MYOF: variants seen among roughly 807,000 people sequenced by gnomAD.
MYOF encodes the protein fer-1-like 3, myoferlin.
In MYOF, 244 loss-of-function variants were observed where a neutral mutation model predicts 284.2. The observed-to-expected ratio is 0.86, with a 90% CI of 0.77 to 0.95. The LOEUF is 0.95. MYOF is among the 40% of genes least tolerant of loss of function. MYOF has a pLI of 0.00. For synonymous variants in MYOF, 904 were observed against 919.7 expected (o/e 0.98, Z 0.31); for missense variants, 2,496 against 2,560.6 (o/e 0.97, Z 0.54).
intron 11 of MYOF, 133 bp from the exon 12 acceptor site, chr10:93,401,677 C>A: frequency 1.7e-6 from 2 of 1,179,698 alleles, no homozygotes; most frequent in Non-Finnish European, 2.4e-6. Flanking sequence ...CTTAAGAGTT[C>A]AGCCTGCCAT....
chr10:93,348,215 A>G (rs532280436), intron 36 of MYOF, among the ~76,000 whole-genome samples: 2 of 152,224 alleles, frequency 1.3e-5, no homozygotes, highest in Non-Finnish European at 2.9e-5. Flanking sequence ...TAACTAGCCC[A>G]GGGCTTTGGT....
chr10:93,359,788 A>C (rs1392020723), intron 29 of MYOF, 45 bp downstream of exon 29: 2 of 1,608,894 alleles, frequency 1.2e-6, no homozygotes, highest in Admixed American at 3.4e-5. Context: ...TGTAGTCAGG[A>C]GGGCAGAGCT....
At chr10:93,336,149 C>T (rs935080125) in intron 40 of MYOF, 103 bp from the exon 41 acceptor site, 58 of 1,309,942 alleles carry the variant, frequency 4.4e-5, no homozygotes, top group Non-Finnish European at 5.3e-5. Context: ...GTGGATGGGG[C>T]GACCGGAACT....
At chr10:93,446,782 G>A (rs909388089) in intron 3 of MYOF, among the ~76,000 whole-genome samples, 1 of 151,202 alleles carries the variant, frequency 6.6e-6, no homozygotes. Context: ...GCGCAGTGGT[G>A]TGATCTCAGT....
At chr10:93,311,535 G>A (rs1842390735) in intron 51 of MYOF, among the ~76,000 whole-genome samples, 1 of 150,326 alleles carries the variant, frequency 6.7e-6, no homozygotes, top group African/African-American at 2.5e-5. Flanking sequence ...GTTGCAGTAA[G>A]CAGAGATCGC....
intron 18 of MYOF, among the ~76,000 whole-genome samples, chr10:93,388,232 G>T (rs1187225111): frequency 2.6e-5 from 4 of 151,878 alleles, no homozygotes; most frequent in African/African-American, 4.8e-5. Context: ...TGGGGGGTGG[G>T]GGGTGGATGG....
chr10:93,456,211 G>A (rs1287111319), intron 2 of MYOF, among the ~76,000 whole-genome samples: 1 of 152,198 alleles, frequency 6.6e-6, no homozygotes, highest in Non-Finnish European at 1.5e-5. Flanking sequence ...GCAAGAAAGT[G>A]TAGGAGAGGA....
intron 17 of MYOF, among the ~76,000 whole-genome samples, chr10:93,390,443 G>A (rs1846620542): frequency 6.6e-6 from 1 of 152,194 alleles, no homozygotes; most frequent in South Asian, 2.1e-4. Context: ...CTAAGGTTGA[G>A]ACTTGGTAAC....
rs1409281745 is a variant in MYOF at position 93,360,044 on chromosome 10, G to A, written c.2975-66C>T. On this transcript the variant is annotated intron_variant, in intron 28 of 53. Coordinates refer to ENST00000359263, the MANE Select transcript of MYOF (RefSeq NM_013451.4). Reference sequence around the variant, plus strand: ...TTTGCCAGATCACCAAATAAACCTCGAGGAAACATTTGTTCACTCTCCCTG... The same window carrying A: ...TTTGCCAGATCACCAAATAAACCTCAAGGAAACATTTGTTCACTCTCCCTG... The A allele has an allele frequency of 2.3e-5, 37 of 1,586,672 alleles. No homozygotes were observed. In the South Asian group the frequency reaches 2.5e-4, roughly 11 times the overall value.
At chr10:93,316,216 C>T (rs1309620574) in intron 50 of MYOF, among the ~76,000 whole-genome samples, 1 of 151,938 alleles carries the variant, frequency 6.6e-6, no homozygotes, top group East Asian at 1.9e-4. Context: ...ATCTGGAGAG[C>T]ACAGTGCCAT....
rs184696079 is a variant in MYOF at position 93,372,331 on chromosome 10, A to C, written c.2457+599T>G. ...TAATACGGGGCCCTGGAACAGGCTT[A>C]TGGGTTGTATGAAGCTCCTAAATTC... On this transcript the variant is annotated intron_variant, in intron 24 of 53. Coordinates refer to ENST00000359263, the MANE Select transcript of MYOF (RefSeq NM_013451.4). 2.0e-5 allele frequency among the ~76,000 whole-genome samples: 3 copies of C among 152,264 alleles called. No homozygotes were observed. The East Asian group carries it at 5.8e-4, about 29-fold the overall frequency.
At chr10:93,441,386 A>C (rs868284252) in intron 3 of MYOF, among the ~76,000 whole-genome samples, 52 of 150,670 alleles carry the variant, frequency 3.5e-4, no homozygotes, top group Middle Eastern at 3.5e-3. Flanking sequence ...GAGTTAGTAC[A>C]TTTCTTTTTT....
intron 1 of MYOF, among the ~76,000 whole-genome samples, chr10:93,467,498 A>G (rs1351243712): frequency 6.6e-6 from 1 of 151,912 alleles, no homozygotes; most frequent in African/African-American, 2.4e-5. Context: ...GGATGTGGAG[A>G]AATAGGAACA....
chr10:93,352,007 AGGTTCT>A (rs934342088), intron 32 of MYOF, among the ~76,000 whole-genome samples, 161 bp from the exon 33 acceptor site: 18 of 152,144 alleles, frequency 1.2e-4, no homozygotes, highest in Non-Finnish European at 2.2e-4. Context: ...TCCCCATGGA[AGGTTCT>A]GGCACTGCAG....
chr10:93,307,067 C>T, intron 53 of MYOF, 66 bp from the exon 54 acceptor site: 1 of 1,443,426 alleles, frequency 6.9e-7, no homozygotes, highest in Admixed American at 1.9e-5. Context: ...GTTAGGGTTT[C>T]TCAATCTTGA....
At chr10:93,326,781 C>T (rs1843066886) in intron 45 of MYOF, among the ~76,000 whole-genome samples, 1 of 151,970 alleles carries the variant, frequency 6.6e-6, no homozygotes, top group Admixed American at 6.6e-5. Flanking sequence ...TGTGCCACCA[C>T]ACGCAGCTAA....
intron 19 of MYOF, among the ~76,000 whole-genome samples, chr10:93,385,062 G>A (rs1183381678): frequency 6.6e-6 from 1 of 152,208 alleles, no homozygotes; most frequent in Admixed American, 6.5e-5. Context: ...GATTGTAGTT[G>A]AGTAGGAGAG....
chr10:93,464,633 T>C (rs1466249801), intron 1 of MYOF, among the ~76,000 whole-genome samples: 2 of 152,164 alleles, frequency 1.3e-5, no homozygotes, highest in African/African-American at 4.8e-5. Context: ...GTCCCTCATA[T>C]ATAAACTGAT....
chr10:93,374,739 G>A (rs772749312), intron 23 of MYOF, 24 bp downstream of exon 23: 15 of 1,606,380 alleles, frequency 9.3e-6, no homozygotes, highest in Admixed American at 5.1e-5. Flanking sequence ...ATCAGGTGAC[G>A]TTTGTGTAGT....
Sources: allele counts gnomAD v4.1 joint callset (sites outside exome capture counted in the v4.1 genomes callset), GRCh38; gene constraint gnomAD v4.1.1; transcripts MANE v1.5; gene names NCBI Gene and HGNC (gene_info 2026-07-23, HGNC 2026-07-21).